SLC24A3: variants seen among roughly 807,000 people sequenced by gnomAD.
SLC24A3 encodes solute carrier family 24 member 3.
A neutral mutation model predicts 75.8 loss-of-function variants in SLC24A3; 28 were observed. The observed-to-expected ratio is 0.37, with a 90% CI of 0.27 to 0.51. The LOEUF is 0.51. Ranked by LOEUF, SLC24A3 falls within the 20% of genes least tolerant of loss-of-function variation. SLC24A3 has a pLI of 0.94. For synonymous variants in SLC24A3, 372 were observed against 334.1 expected (o/e 1.11, Z -1.24); for missense variants, 663 against 847.8 (o/e 0.78, Z 2.71).
chr20:19,231,330 C>G (rs745636113), intron 1 of SLC24A3, among the ~76,000 whole-genome samples: 1 of 152,248 alleles, frequency 6.6e-6, no homozygotes, highest in South Asian at 2.1e-4. Context: ...TGTTATGTTA[C>G]GTGGCAAGGA....
chr20:19,460,207 C>T (rs942830407), intron 2 of SLC24A3, among the ~76,000 whole-genome samples: 4 of 152,096 alleles, frequency 2.6e-5, no homozygotes, highest in African/African-American at 9.7e-5. Context: ...TTAAATTTTG[C>T]GCACCAGGTA....
chr20:19,296,698 A>C (rs1310393905), intron 2 of SLC24A3, among the ~76,000 whole-genome samples: 4 of 152,182 alleles, frequency 2.6e-5, no homozygotes, highest in African/African-American at 9.7e-5. Flanking sequence ...GAGACAGAAA[A>C]TTAACAAGGA....
intron 2 of SLC24A3, among the ~76,000 whole-genome samples, chr20:19,370,138 G>A (rs1263008262): frequency 6.6e-6 from 1 of 152,082 alleles, no homozygotes; most frequent in Middle Eastern, 3.2e-3. Context: ...TTCCAAAATC[G>A]CTGGGTGCAA....
At chr20:19,504,663 CT>C (rs1988437033) in intron 2 of SLC24A3, among the ~76,000 whole-genome samples, 1 of 152,208 alleles carries the variant, frequency 6.6e-6, no homozygotes, top group Non-Finnish European at 1.5e-5. Context: ...AGATGCAGCA[CT>C]TGGGTCAGAC....
chr20:19,437,159 T>G (rs565760493), intron 2 of SLC24A3, among the ~76,000 whole-genome samples: 5 of 151,576 alleles, frequency 3.3e-5, no homozygotes, highest in Non-Finnish European at 5.9e-5. Context: ...GACATGAGAG[T>G]CGGTGATATG....
chr20:19,696,942 G>T, intron 14 of SLC24A3, 31 bp downstream of exon 14: 1 of 781,082 alleles, frequency 1.3e-6, no homozygotes, highest in South Asian at 1.4e-5. Context: ...GGGGAAGGAG[G>T]GAGGGAGGGA....
intron 6 of SLC24A3, among the ~76,000 whole-genome samples, chr20:19,604,873 C>T (rs1004366154): frequency 1.3e-5 from 2 of 152,166 alleles, no homozygotes; most frequent in Non-Finnish European, 2.9e-5. Context: ...ACAGATTGTG[C>T]AGGTGGTCAG....
intron 9 of SLC24A3, 49 bp downstream of exon 9, chr20:19,673,703 C>T (rs2032494058): frequency 1.3e-6 from 2 of 1,496,966 alleles, no homozygotes; most frequent in Admixed American, 1.7e-5. Flanking sequence ...TTGCATTCCA[C>T]ATTATGTGAT....
chr20:19,255,626 T>C (rs1982791500), intron 1 of SLC24A3, among the ~76,000 whole-genome samples: 1 of 152,162 alleles, frequency 6.6e-6, no homozygotes, highest in East Asian at 1.9e-4. Context: ...TCCAATGCCA[T>C]ACTTAGTTTC....
intron 2 of SLC24A3, among the ~76,000 whole-genome samples, chr20:19,426,199 T>G (rs1420018566): frequency 6.6e-6 from 1 of 152,244 alleles, no homozygotes; most frequent in Non-Finnish European, 1.5e-5. Flanking sequence ...ACATTGGTTC[T>G]CAAATATATG....
At chr20:19,451,811 T>G (rs1987486068) in intron 2 of SLC24A3, among the ~76,000 whole-genome samples, 1 of 152,238 alleles carries the variant, frequency 6.6e-6, no homozygotes. Context: ...CACAGTCATG[T>G]CATGCGCTGG....
At chr20:19,244,518 TG>T (rs1274658943) in intron 1 of SLC24A3, among the ~76,000 whole-genome samples, 8 of 151,176 alleles carry the variant, frequency 5.3e-5, no homozygotes, top group African/African-American at 1.9e-4. Flanking sequence ...GTCTATGGGG[TG>T]GTTGGAGGCA....
chr20:19,297,045 G>A lies in SLC24A3; in HGVS notation c.271+15958G>A, dbSNP rs529620248. On this transcript the variant is annotated intron_variant, in intron 2 of 16. Coordinates refer to ENST00000328041, the MANE Select transcript of SLC24A3 (RefSeq NM_020689.4). Reference sequence around the variant, plus strand: ...TTGGAAACATATAGAAAACTAGAATGAATTTTATACTGAATGCATATAGAC... The same window carrying A: ...TTGGAAACATATAGAAAACTAGAATAAATTTTATACTGAATGCATATAGAC... Among the ~76,000 whole-genome samples, 3 of 152,226 alleles carry A rather than the reference G, an allele frequency of 2.0e-5. No individual in the cohort carries two copies. The East Asian group carries it at 5.8e-4, about 29-fold the overall frequency.
intron 3 of SLC24A3, among the ~76,000 whole-genome samples, chr20:19,553,018 C>CCCTCCTCCCTT (rs2030721857): frequency 6.6e-6 from 1 of 150,800 alleles, no homozygotes; most frequent in Non-Finnish European, 1.5e-5. Context: ...CTCCATCCCT[C>CCCTCCTCCCTT]CCTCCTCCCT....
At chr20:19,406,814 G>A (rs115139658) in intron 2 of SLC24A3, among the ~76,000 whole-genome samples, 2,336 of 152,282 alleles carry the variant, frequency 0.015, 69 homozygotes, top group African/African-American at 0.054. Flanking sequence ...AGCACAGTGA[G>A]GTTATTTGTT....
intron 3 of SLC24A3, among the ~76,000 whole-genome samples, chr20:19,530,125 C>T (rs969323442): frequency 6.6e-6 from 1 of 152,084 alleles, no homozygotes; most frequent in African/African-American, 2.4e-5. Context: ...AAGTAAAAAG[C>T]TCCTCTGTGA....
chr20:19,234,999 C>G (rs1302760922), intron 1 of SLC24A3, among the ~76,000 whole-genome samples: 1 of 152,238 alleles, frequency 6.6e-6, no homozygotes, highest in Non-Finnish European at 1.5e-5. Flanking sequence ...TGTAAACTCA[C>G]ACACACTGAG....
At chr20:19,307,915 T>G (rs1984370307) in intron 2 of SLC24A3, among the ~76,000 whole-genome samples, 1 of 152,166 alleles carries the variant, frequency 6.6e-6, no homozygotes, top group South Asian at 2.1e-4. Flanking sequence ...CAGACATCGG[T>G]TTGCTTAAGC....
chr20:19,632,612 T>A (rs768883744), intron 6 of SLC24A3, among the ~76,000 whole-genome samples: 2 of 152,242 alleles, frequency 1.3e-5, no homozygotes, highest in Non-Finnish European at 2.9e-5. Context: ...ACTTACAATG[T>A]AAGCTAACAT....
Sources: allele counts gnomAD v4.1 joint callset (sites outside exome capture counted in the v4.1 genomes callset), GRCh38; gene constraint gnomAD v4.1.1; transcripts MANE v1.5; gene names NCBI Gene and HGNC (gene_info 2026-07-23, HGNC 2026-07-21).